Variants in FOXN3 observed in about 807,000 individuals in gnomAD.
FOXN3 encodes the protein forkhead box protein N3.
In FOXN3, 7 loss-of-function variants were observed where a neutral mutation model predicts 38.4. The ratio of observed to expected loss-of-function variants is 0.18; its 90% CI spans 0.10 to 0.34. FOXN3 has a LOEUF of 0.34. Among genes scored for constraint, FOXN3 ranks in the 10% least tolerant of loss-of-function variants. The pLI, the probability that FOXN3 is intolerant of heterozygous loss-of-function variation, is 1.00. For missense variants in FOXN3, 456 were observed against 613.4 expected (o/e 0.74, Z 2.71); for synonymous variants, 230 against 242.2 (o/e 0.95, Z 0.47).
intron 1 of FOXN3, chr14:89,577,377 C>T (rs1036501713): frequency 1.3e-5 from 2 of 152,116 alleles, no homozygotes; most frequent in East Asian, 3.9e-4. Context: ...TATTTCCTTC[C>T]GATTACCTAG....
chr14:89,271,557 T>C (rs1315576536), intron 4 of FOXN3, among the ~76,000 whole-genome samples: 2 of 152,262 alleles, frequency 1.3e-5, no homozygotes, highest in Non-Finnish European at 2.9e-5. Context: ...TATCTACTAA[T>C]ATAAAATTCA....
rs991037698 is a variant in FOXN3, at chr14:89,452,498, T to A, written c.-14-40008A>T. On this transcript the variant is annotated intron_variant, in intron 1 of 6. Transcript: ENST00000345097. Reference sequence around the variant, plus strand: ...CAGGCTCATTCTCCCCGGCCAGGTGTCCAGGCTGCGAGGCCATCTGGGTTA... The same window carrying A: ...CAGGCTCATTCTCCCCGGCCAGGTGACCAGGCTGCGAGGCCATCTGGGTTA... Among the ~76,000 whole-genome samples the A allele has an allele frequency of 2.6e-4, 39 of 152,164 alleles. 1 individual carries two copies. The highest frequency in any genetic ancestry group is 2.9e-5 in the Non-Finnish European group (2 of 68,020).
intron 5 of FOXN3, among the ~76,000 whole-genome samples, chr14:89,165,915 GT>G (rs1009333593): frequency 6.6e-6 from 1 of 152,178 alleles, no homozygotes; most frequent in African/African-American, 2.4e-5. Flanking sequence ...AGTTCTGAAT[GT>G]TTCTTTTAAA....
At chr14:89,520,081 G>A (rs550631258) in intron 1 of FOXN3, among the ~76,000 whole-genome samples, 33 of 142,558 alleles carry the variant, frequency 2.3e-4, no homozygotes, top group African/African-American at 8.4e-4. Flanking sequence ...CGGCACGAGC[G>A]CGGATCACTG....
chr14:89,599,425 C>T (rs1241565594), intron 1 of FOXN3, among the ~76,000 whole-genome samples: 1 of 152,164 alleles, frequency 6.6e-6, no homozygotes, highest in African/African-American at 2.4e-5. Flanking sequence ...GTCTTATTTA[C>T]AATTTTCAGT....
At chr14:89,541,807 A>G (rs1412089688) in intron 1 of FOXN3, among the ~76,000 whole-genome samples, 5 of 152,218 alleles carry the variant, frequency 3.3e-5, no homozygotes, top group Admixed American at 6.5e-5. Context: ...GCCACTCTGG[A>G]CATAGCTGTA....
intron 1 of FOXN3, among the ~76,000 whole-genome samples, chr14:89,521,355 A>G (rs968908215): frequency 2.9e-5 from 3 of 102,372 alleles, no homozygotes; most frequent in South Asian, 5.5e-4. Context: ...CATAGATGAT[A>G]GATAGAGAGA....
intron 2 of FOXN3, among the ~76,000 whole-genome samples, chr14:89,387,034 A>C (rs1596244612): frequency 6.6e-6 from 1 of 152,154 alleles, no homozygotes; most frequent in Non-Finnish European, 1.5e-5. Context: ...AGGCAGGTGG[A>C]TCACTTGAGG....
intron 4 of FOXN3, among the ~76,000 whole-genome samples, chr14:89,181,323 AAGACACCTGGTGACCAACAAAAGCACCT>A (rs1887670082): frequency 1.3e-5 from 2 of 152,230 alleles, no homozygotes; most frequent in Admixed American, 6.5e-5. Flanking sequence ...CACTGTAGGA[AAGACACCTGGTGACCAACAAAAGCACCT>A]CCCCATGCTT....
At chr14:89,286,462 C>T (rs1383654710) in intron 3 of FOXN3, among the ~76,000 whole-genome samples, 1 of 152,128 alleles carries the variant, frequency 6.6e-6, no homozygotes, top group African/African-American at 2.4e-5. Flanking sequence ...CAGAGCTTAC[C>T]CACTACTCTT....
chr14:89,409,678 T>G (rs1891489413), intron 2 of FOXN3, among the ~76,000 whole-genome samples: 1 of 152,180 alleles, frequency 6.6e-6, no homozygotes, highest in Non-Finnish European at 1.5e-5. Context: ...ACGTTCTCAG[T>G]CTGGAATTGC....
intron 5 of FOXN3, among the ~76,000 whole-genome samples, chr14:89,169,148 C>A (rs978595603): frequency 1.3e-5 from 2 of 152,084 alleles, no homozygotes; most frequent in Non-Finnish European, 2.9e-5. Flanking sequence ...ATGATCAGTA[C>A]AGAAAATGTA....
chr14:89,272,089 C>T (rs1886165385), intron 4 of FOXN3, among the ~76,000 whole-genome samples: 1 of 152,190 alleles, frequency 6.6e-6, no homozygotes, highest in Non-Finnish European at 1.5e-5. Context: ...GCGGGTGGAT[C>T]ACCTGAGGTC....
intron 1 of FOXN3, among the ~76,000 whole-genome samples, chr14:89,574,509 A>G (rs243194): frequency 0.9 from 136,912 of 152,074 alleles, 62,071 homozygotes; most frequent in African/African-American, 0.97. Flanking sequence ...AACAGGGAGG[A>G]GACCACTGAA....
At chr14:89,491,903 C>A (rs532238379) in intron 1 of FOXN3, among the ~76,000 whole-genome samples, 1 of 152,138 alleles carries the variant, frequency 6.6e-6, no homozygotes. Context: ...TTCAGCCTAG[C>A]GCTTTACATT....
chr14:89,325,353 C>CACTACCACT (rs1566956930), intron 3 of FOXN3, among the ~76,000 whole-genome samples: 5 of 131,306 alleles, frequency 3.8e-5, no homozygotes, highest in East Asian at 2.2e-4. Flanking sequence ...CCACCACCAC[C>CACTACCACT]ACCACCACTA....
chr14:89,214,699 C>A (rs1884215967), intron 4 of FOXN3, among the ~76,000 whole-genome samples: 1 of 152,182 alleles, frequency 6.6e-6, no homozygotes, highest in South Asian at 2.1e-4. Context: ...GGAAGTGGCT[C>A]GACTTTGAGG....
At position 89,411,914 on chromosome 14, in the gene FOXN3, TTCCAGACACA is replaced by T; in HGVS notation, c.543+10_543+19del. ...AAAAAAAAAAAAAGAAAACCTTGGG[TTCCAGACACA>T]GAGGCTTACCTGACTCCTCTCTTTG... On this transcript the variant is annotated intron_variant, in intron 2 of 5. Transcript: ENST00000557258. 1 of 1,343,260 alleles carries T rather than the reference TTCCAGACACA, an allele frequency of 7.4e-7. No individual in the cohort carries two copies. The highest frequency in any genetic ancestry group is 9.7e-7 in the Non-Finnish European group (1 of 1,031,882). 83.2% of individuals were successfully genotyped at this position (1,343,260 alleles called of 1,614,324 possible). A position where few individuals can be genotyped will look rare whatever the true frequency, so the allele number is the denominator to read the frequency against.
chr14:89,291,047 G>A, intron 3 of FOXN3: 2 of 473,492 alleles, frequency 4.2e-6, no homozygotes, highest in East Asian at 5.7e-5. Flanking sequence ...CACTCCAAAT[G>A]TTCACATATG....
Sources: gnomAD v4.1 joint callset for allele counts (sites outside exome capture counted in the v4.1 genomes callset) on GRCh38, gnomAD v4.1.1 for gene constraint, MANE v1.5 for transcripts, NCBI Gene and HGNC (gene_info 2026-07-23, HGNC 2026-07-21) for gene names.